Variants in NOL4L observed in about 807,000 individuals in gnomAD.
NOL4L encodes nucleolar protein 4 like, also known as nucleolar protein 4-like.
In NOL4L, 7 loss-of-function variants were observed where a neutral mutation model predicts 64.5. That is an observed-to-expected ratio of 0.11 (90% CI 0.06 to 0.20). The LOEUF (loss-of-function observed/expected upper bound fraction) is 0.20. NOL4L is among the 10% of genes least tolerant of loss of function. The probability of loss-of-function intolerance (pLI) is 1.00; values close to 1 mark genes in which losing one functional copy is unlikely to be tolerated. For missense variants in NOL4L, 680 were observed against 967.1 expected (o/e 0.70, Z 3.94); for synonymous variants, 413 against 401.0 (o/e 1.03, Z -0.36).
intron 1 of NOL4L, among the ~76,000 whole-genome samples, chr20:32,556,116 A>G (rs10048851): frequency 0.064 from 9,813 of 152,222 alleles, 622 homozygotes; most frequent in African/African-American, 0.17. Context: ...CCCTAAATAC[A>G]TGCGGAGTGA....
chr20:32,548,669 G>T, intron 1 of NOL4L: 1 of 300,416 alleles, frequency 3.3e-6, no homozygotes, highest in Non-Finnish European at 6.7e-6. Flanking sequence ...TTCCCTGTCT[G>T]TGGAGGGCAG....
intron 4 of NOL4L, among the ~76,000 whole-genome samples, chr20:32,488,886 T>C (rs1192151250): frequency 3.0e-5 from 4 of 134,230 alleles, no homozygotes; most frequent in Non-Finnish European, 6.3e-5. Context: ...TTTCTTTCTT[T>C]CTTTCTTTCC....
chr20:32,576,918 G>A (rs1333835859), intron 1 of NOL4L, among the ~76,000 whole-genome samples: 3 of 152,198 alleles, frequency 2.0e-5, no homozygotes, highest in Admixed American at 2.0e-4. Flanking sequence ...TGAGCCAGGG[G>A]TGGGTGGAGA....
intron 1 of NOL4L, among the ~76,000 whole-genome samples, chr20:32,556,588 A>G (rs950167916): frequency 2.0e-5 from 3 of 152,184 alleles, no homozygotes; most frequent in African/African-American, 4.8e-5. Flanking sequence ...GCCCAAAGTC[A>G]CACAGCCGAG....
chr20:32,465,141 T>G (rs749407190), intron 5 of NOL4L: 1 of 492,636 alleles, frequency 2.0e-6, no homozygotes, highest in Non-Finnish European at 3.7e-6. Context: ...CCACCTTCAG[T>G]GGAGGGGGAG....
At chr20:32,473,144 G>A (rs1337868676) in intron 5 of NOL4L, among the ~76,000 whole-genome samples, 1 of 152,192 alleles carries the variant, frequency 6.6e-6, no homozygotes, top group Non-Finnish European at 1.5e-5. Flanking sequence ...GCTTGGGAAT[G>A]AGTAGGGGGA....
intron 4 of NOL4L, among the ~76,000 whole-genome samples, chr20:32,488,796 TTTC>T (rs2016254156): frequency 1.2e-3 from 49 of 40,208 alleles, no homozygotes; most frequent in African/African-American, 6.4e-3. Context: ...CCTTCCTTTC[TTTC>T]TTTCTTTTTC....
chr20:32,494,386 C>G (rs2016604618), intron 4 of NOL4L, among the ~76,000 whole-genome samples: 1 of 151,962 alleles, frequency 6.6e-6, no homozygotes, highest in South Asian at 2.1e-4. Flanking sequence ...TGGGGGTACC[C>G]AGCACACAGA....
At chr20:32,477,358 C>T (rs2015458910) in intron 4 of NOL4L, among the ~76,000 whole-genome samples, 1 of 152,216 alleles carries the variant, frequency 6.6e-6, no homozygotes, top group Non-Finnish European at 1.5e-5. Flanking sequence ...TGTGCAATCG[C>T]CAAGGACTGG....
At chr20:32,538,108 A>G (rs1297011912) in intron 1 of NOL4L, among the ~76,000 whole-genome samples, 1 of 152,114 alleles carries the variant, frequency 6.6e-6, no homozygotes, top group Non-Finnish European at 1.5e-5. Context: ...AGGCCTCCCA[A>G]AAGCTCCTAC....
In NOL4L at chr20:32,460,687, C is replaced by T. The variant is rs1007017137; in HGVS notation, c.842-4292G>A. Among the ~76,000 whole-genome samples, 2 of 152,152 alleles carry T rather than the reference C, an allele frequency of 1.3e-5. No individual in the cohort carries two copies. Among genetic ancestry groups the T allele is most frequent in the South Asian group, 2.1e-4 (1 of 4,834 alleles). On this transcript the variant is annotated intron_variant, in intron 5 of 10. Coordinates refer to ENST00000621426, the MANE Select transcript of NOL4L (RefSeq NM_001256798.2). This position sits in a 1 kb window ranked among gnomAD's most constrained non-coding sequence, Gnocchi z 5.7. ...TCATAACTCACCCACTGCCGACGCACGAGGCTCCCAGACTGCAACGGGGGC... is the reference window on the plus strand; with the variant it reads ...TCATAACTCACCCACTGCCGACGCATGAGGCTCCCAGACTGCAACGGGGGC...
chr20:32,480,388 G>A (rs1338561465), intron 4 of NOL4L, among the ~76,000 whole-genome samples: 1 of 152,192 alleles, frequency 6.6e-6, no homozygotes, highest in Non-Finnish European at 1.5e-5. Context: ...ATGTTTCTGG[G>A]CCAAGCAGGA....
intron 1 of NOL4L, among the ~76,000 whole-genome samples, chr20:32,582,416 ACCTGGGGTCC>A (rs1317686019): frequency 1.3e-5 from 2 of 152,116 alleles, no homozygotes; most frequent in Non-Finnish European, 2.9e-5. Context: ...GGCCGGCAGG[ACCTGGGGTCC>A]AGGCCCAGCA....
chr20:32,546,795 A>G (rs1220002870), intron 1 of NOL4L, among the ~76,000 whole-genome samples: 2 of 152,234 alleles, frequency 1.3e-5, no homozygotes, highest in African/African-American at 4.8e-5. Context: ...AGGAGAGAGC[A>G]TGGGTGTTGG....
In NOL4L at chr20:32,584,863, C is replaced by CG; in HGVS notation, c.27dup (p.Gly10ArgfsTer122). The CG allele has an allele frequency of 7.1e-7, 1 of 1,414,860 alleles. No homozygotes were observed. The highest frequency in any genetic ancestry group is 9.3e-7 in the Non-Finnish European group (1 of 1,075,644). The allele number at this position is 1,414,860 out of a possible 1,614,324, so 87.6% of individuals were successfully genotyped here. A position where few individuals can be genotyped will look rare whatever the true frequency, so the allele number is the denominator to read the frequency against. On this transcript the variant is annotated frameshift_variant, in exon 1 of 11. Transcript: ENST00000621426. LOFTEE classifies it high-confidence loss of function. ...GGGCTGCGCTCGCGCTCCCAGCCCC[C>CG]GCGCAGCAGCAGCGTCGGCTTCGGC...
intron 1 of NOL4L, among the ~76,000 whole-genome samples, chr20:32,550,908 A>C (rs982655582): frequency 1.4e-5 from 2 of 141,670 alleles, no homozygotes; most frequent in African/African-American, 5.8e-5. Context: ...AAATACAAAA[A>C]AGTTAGGCGT....
rs2012361840 is a variant in NOL4L at position 32,447,049 on chromosome 20, C to A, written c.*547G>T. On this transcript the variant is annotated 3_prime_UTR_variant, in exon 11 of 11. Transcript: ENST00000621426. The stretch of plus-strand genomic sequence containing the variant: ...GCACCTGTCCTGCCCCTACTGGCCC[C>A]AGCCCACATCAGTGTAGTGATATGG... 1 of 353,654 alleles carries A rather than the reference C, an allele frequency of 2.8e-6. No individual in the cohort carries two copies. Among genetic ancestry groups the A allele is most frequent in the African/African-American group, 2.2e-5 (1 of 45,442 alleles). 21.9% of individuals were successfully genotyped at this position (353,654 alleles called of 1,614,324 possible).
At chr20:32,578,006 G>A (rs1980220923) in intron 1 of NOL4L, among the ~76,000 whole-genome samples, 1 of 152,100 alleles carries the variant, frequency 6.6e-6, no homozygotes, top group East Asian at 1.9e-4. Flanking sequence ...ATCACTCCTA[G>A]AAGAGGAATA....
intron 1 of NOL4L, among the ~76,000 whole-genome samples, chr20:32,545,512 G>A (rs1440741911): frequency 6.6e-6 from 1 of 152,144 alleles, no homozygotes; most frequent in Non-Finnish European, 1.5e-5. Flanking sequence ...GAGAGCCAGG[G>A]CGACACATCC....
Sources: allele counts gnomAD v4.1 joint callset (sites outside exome capture counted in the v4.1 genomes callset), GRCh38; gene constraint gnomAD v4.1.1; non-coding constraint Gnocchi (gnomAD v3.1); transcripts MANE v1.5; gene names NCBI Gene and HGNC (gene_info 2026-07-23, HGNC 2026-07-21).